The following PRIMA1 variants were observed in gnomAD, a reference collection of about 807,000 sequenced individuals.
The protein encoded by PRIMA1 is proline-rich membrane anchor 1.
A neutral mutation model predicts 17.5 loss-of-function variants in PRIMA1; 7 were observed. The observed-to-expected ratio is 0.40, with a 90% CI of 0.23 to 0.75. The LOEUF is 0.75. Ranked by LOEUF, PRIMA1 falls within the 30% of genes least tolerant of loss-of-function variation. The pLI, the probability that PRIMA1 is intolerant of heterozygous loss-of-function variation, is 0.37. For synonymous variants in PRIMA1, 97 were observed against 77.9 expected (o/e 1.25, Z -1.29); for missense variants, 200 against 201.8 (o/e 0.99, Z 0.05).
At chr14:93,787,506 A>G (rs1192153378) in intron 2 of PRIMA1, 120 bp downstream of exon 2, 5 of 1,416,826 alleles carry the variant, frequency 3.5e-6, no homozygotes, top group Non-Finnish European at 9.6e-7. Flanking sequence ...TCTTTTCCCA[A>G]GCTCTTCCGA....
chr14:93,745,659 C>G lies in PRIMA1; in HGVS notation c.230-8289G>C, dbSNP rs190363145. Among the ~76,000 whole-genome samples the G allele has an allele frequency of 3.7e-3, 559 of 152,338 alleles. 7 individuals are homozygous for G. The highest frequency in any genetic ancestry group is 0.013 in the African/African-American group (540 of 41,584). On this transcript the variant is annotated intron_variant, in intron 3 of 4. Transcript: ENST00000393140. The stretch of plus-strand genomic sequence containing the variant: ...ACATCCTGTGGCTGCTCCCTTCAAC[C>G]CCCTCTCCACCTTCTTCCTGACTCC...
In PRIMA1 at chr14:93,720,516, G is replaced by C. The variant is rs1234813054; in HGVS notation, c.*928C>G. The stretch of plus-strand genomic sequence containing the variant: ...AACAGTCAGGCCTCAGGGGACTGTG[G>C]GGGACATCCAGCGCCTGGCCAGCAT... On this transcript the variant is annotated 3_prime_UTR_variant, in exon 5 of 5. Transcript: ENST00000393140. 6.5e-6 allele frequency: 1 copy of C among 152,824 alleles called. No individual in the cohort carries two copies. The highest frequency in any genetic ancestry group is 1.5e-5 in the Non-Finnish European group (1 of 68,262). The allele number at this position is 152,824 out of a possible 1,614,324, so 9.5% of individuals were successfully genotyped here.
chr14:93,732,822 G>A (rs996391005), intron 4 of PRIMA1, among the ~76,000 whole-genome samples: 2 of 152,210 alleles, frequency 1.3e-5, no homozygotes, highest in African/African-American at 2.4e-5. Flanking sequence ...GCCCAGCTGA[G>A]CCCGGCGGGG....
Position 93,726,820 on chromosome 14 carries a change from A to C in PRIMA1, c.360-5274T>G, listed in dbSNP as rs542507011. Among the ~76,000 whole-genome samples, 177 of 152,218 alleles carry C rather than the reference A, an allele frequency of 1.2e-3. No individual in the cohort carries two copies. Among genetic ancestry groups the C allele is most frequent in the Non-Finnish European group, 1.9e-3 (131 of 68,006 alleles). On this transcript the variant is annotated intron_variant, in intron 4 of 4. Coordinates refer to ENST00000393140, the MANE Select transcript of PRIMA1 (RefSeq NM_178013.4). This position sits in a 1 kb window ranked among gnomAD's most constrained non-coding sequence, Gnocchi z 4.2. Reference sequence around the variant, plus strand: ...CACACATGTACTTCAACACACACACAATATACACATACACACATGTCCCTA... The same window carrying C: ...CACACATGTACTTCAACACACACACCATATACACATACACACATGTCCCTA...
chr14:93,722,068 GTGA>G (rs2076042760), intron 4 of PRIMA1, among the ~76,000 whole-genome samples: 1 of 113,440 alleles, frequency 8.8e-6, no homozygotes, highest in African/African-American at 3.2e-5. Flanking sequence ...TGGTAATGGG[GTGA>G]TGGTGGTAGT....
At chr14:93,735,098 G>T (rs543804175) in intron 4 of PRIMA1, among the ~76,000 whole-genome samples, 2 of 152,132 alleles carry the variant, frequency 1.3e-5, no homozygotes, top group Non-Finnish European at 2.9e-5. Flanking sequence ...AGTGGCTCAG[G>T]TGTCTTTTGT....
At chr14:93,744,793 T>C (rs775620318) in intron 3 of PRIMA1, among the ~76,000 whole-genome samples, 7 of 152,176 alleles carry the variant, frequency 4.6e-5, no homozygotes, top group Non-Finnish European at 1.0e-4. Context: ...AGGAAGCTCT[T>C]GGCTGCCCAT....
chr14:93,779,233 G>GGC lies in PRIMA1; in HGVS notation c.171_172insGC (p.Pro58AlafsTer38). On this transcript the variant is annotated frameshift_variant, in exon 3 of 5. Coordinates refer to ENST00000393140, the MANE Select transcript of PRIMA1 (RefSeq NM_178013.4). LOFTEE classifies it high-confidence loss of function. ...GGTGGGGGCGGCGGGGGCAGCGGGG[G>GGC]AGGGGGCCGGCACTGGCAGACGTGT... is the stretch of plus-strand genomic sequence containing the variant. 4.6e-6 allele frequency: 5 copies of GGC among 1,094,120 alleles called. No homozygotes were observed. The highest frequency in any genetic ancestry group is 6.4e-6 in the Non-Finnish European group (5 of 775,662). 67.8% of individuals were successfully genotyped at this position (1,094,120 alleles called of 1,614,324 possible). A position where few individuals can be genotyped will look rare whatever the true frequency, so the allele number is the denominator to read the frequency against.
At chr14:93,730,793 T>C (rs1382612426) in intron 4 of PRIMA1, among the ~76,000 whole-genome samples, 3 of 152,154 alleles carry the variant, frequency 2.0e-5, no homozygotes, top group Non-Finnish European at 4.4e-5. Flanking sequence ...TTCTATTGAG[T>C]CTATGATCCA....
chr14:93,759,202 C>A (rs1214008864), intron 3 of PRIMA1, among the ~76,000 whole-genome samples: 5 of 152,088 alleles, frequency 3.3e-5, no homozygotes, highest in Non-Finnish European at 5.9e-5. Flanking sequence ...AGTTGCTCAG[C>A]GGGTCTCTAT....
At chr14:93,770,406 C>T (rs1446083554) in intron 3 of PRIMA1, among the ~76,000 whole-genome samples, 1 of 152,236 alleles carries the variant, frequency 6.6e-6, no homozygotes, top group African/African-American at 2.4e-5. Context: ...TGTGGGCTCA[C>T]CTCCTGCAGT....
At chr14:93,731,181 G>A (rs189908375) in intron 4 of PRIMA1, among the ~76,000 whole-genome samples, 234 of 106,656 alleles carry the variant, frequency 2.2e-3, no homozygotes, top group Non-Finnish European at 4.0e-3. Flanking sequence ...ATCCCATACT[G>A]AGCCCCATTC....
chr14:93,750,103 G>A (rs780248202), intron 3 of PRIMA1, among the ~76,000 whole-genome samples: 82 of 152,216 alleles, frequency 5.4e-4, no homozygotes, highest in Non-Finnish European at 9.3e-4. Context: ...AAACAGAATC[G>A]CTTGAGCCCG....
upstream of PRIMA1, among the ~76,000 whole-genome samples, chr14:93,788,741 G>A (rs376719857): frequency 6.6e-6 from 1 of 151,980 alleles, no homozygotes; most frequent in Non-Finnish European, 1.5e-5. Flanking sequence ...CCGCGCGCGG[G>A]GCGGGAGGGG....
At chr14:93,738,577 T>C (rs1469560917) in intron 3 of PRIMA1, among the ~76,000 whole-genome samples, 1 of 152,216 alleles carries the variant, frequency 6.6e-6, no homozygotes, top group African/African-American at 2.4e-5. Flanking sequence ...CACTCTATGA[T>C]AGATACTTTG....
At chr14:93,722,664 C>T (rs923634166) in intron 4 of PRIMA1, among the ~76,000 whole-genome samples, 13 of 66,944 alleles carry the variant, frequency 1.9e-4, no homozygotes, top group African/African-American at 4.2e-4. Flanking sequence ...ATGGTGATAG[C>T]GGTAATGATG....
At chr14:93,771,249 C>T (rs1885057955) in intron 3 of PRIMA1, among the ~76,000 whole-genome samples, 1 of 152,156 alleles carries the variant, frequency 6.6e-6, no homozygotes, top group African/African-American at 2.4e-5. Flanking sequence ...GTGTCTAATT[C>T]CCCACTGTTT....
At chr14:93,769,468 T>C (rs1489404692) in intron 3 of PRIMA1, among the ~76,000 whole-genome samples, 1 of 152,166 alleles carries the variant, frequency 6.6e-6, no homozygotes, top group Non-Finnish European at 1.5e-5. Flanking sequence ...CCGGAATCAA[T>C]GGCAACAGTG....
chr14:93,788,709 G>C (rs970578226), upstream of PRIMA1, among the ~76,000 whole-genome samples: 3 of 152,058 alleles, frequency 2.0e-5, no homozygotes, highest in African/African-American at 7.2e-5. Flanking sequence ...CGCAGGGCGC[G>C]GTGGCTCCGG....
Sources: gnomAD v4.1 joint callset for allele counts (sites outside exome capture counted in the v4.1 genomes callset) on GRCh38, gnomAD v4.1.1 for gene constraint, Gnocchi (gnomAD v3.1) non-coding constraint, MANE v1.5 for transcripts, NCBI Gene and HGNC (gene_info 2026-07-23, HGNC 2026-07-21) for gene names.